The following AASS variants were observed in gnomAD, a reference collection of about 807,000 sequenced individuals.
The protein encoded by AASS is aminoadipate-semialdehyde synthase, also known as alpha-aminoadipic semialdehyde synthase, mitochondrial.
A neutral mutation model predicts 105.4 loss-of-function variants in AASS; 86 were observed. The ratio of observed to expected loss-of-function variants is 0.82; its 90% CI spans 0.69 to 0.98. AASS has a LOEUF of 0.98. Ranked by LOEUF, AASS falls within the 50% of genes least tolerant of loss-of-function variation. The probability of loss-of-function intolerance (pLI) is 0.00; values close to 1 mark genes in which losing one functional copy is unlikely to be tolerated. For synonymous variants in AASS, 381 were observed against 394.8 expected, an observed-to-expected ratio of 0.96 and a Z score of 0.41; for missense variants, 1,048 against 1,143.2, an observed-to-expected ratio of 0.92 and a Z score of 1.20.
intron 2 of AASS, among the ~76,000 whole-genome samples, chr7:122,131,201 C>T (rs1395343540): frequency 6.6e-6 from 1 of 151,530 alleles, no homozygotes; most frequent in Admixed American, 6.6e-5. Context: ...GGAAAGCAAA[C>T]ATTAAAACTG....
At chr7:122,142,209 C>T (rs992434641) in intron 1 of AASS, among the ~76,000 whole-genome samples, 10 of 152,268 alleles carry the variant, frequency 6.6e-5, no homozygotes, top group Middle Eastern at 6.8e-3. Flanking sequence ...TTAACCTCTA[C>T]CTCTTAGGGC....
At chr7:122,099,137 A>C (rs904384343) in intron 13 of AASS, among the ~76,000 whole-genome samples, 2 of 151,896 alleles carry the variant, frequency 1.3e-5, no homozygotes, top group Non-Finnish European at 2.9e-5. Flanking sequence ...GTATTTCATG[A>C]ATTCCCAGTA....
intron 8 of AASS, 48 bp from the exon 9 acceptor site, chr7:122,115,270 A>T (rs1216227911): frequency 1.3e-6 from 2 of 1,592,466 alleles, no homozygotes; most frequent in Non-Finnish European, 1.7e-6. Context: ...AGCCTATTTT[A>T]ATACAGTATA....
intron 15 of AASS, among the ~76,000 whole-genome samples, chr7:122,094,655 T>A (rs750538835): frequency 6.6e-6 from 1 of 152,170 alleles, no homozygotes; most frequent in Non-Finnish European, 1.5e-5. Flanking sequence ...AAATTTGATA[T>A]CTTGTGATTA....
chr7:122,127,608 A>G (rs1165538373), intron 3 of AASS, among the ~76,000 whole-genome samples: 1 of 152,186 alleles, frequency 6.6e-6, no homozygotes, highest in Non-Finnish European at 1.5e-5. Context: ...CTTTAGAAAT[A>G]CTACAAATTA....
intron 11 of AASS, among the ~76,000 whole-genome samples, chr7:122,108,806 C>T (rs1253598277): frequency 6.6e-6 from 1 of 150,506 alleles, no homozygotes; most frequent in Non-Finnish European, 1.5e-5. Context: ...ATGTTCTAGT[C>T]AGTGTAACTA....
At chr7:122,101,020 G>A (rs1340348005) in intron 13 of AASS, among the ~76,000 whole-genome samples, 1 of 151,830 alleles carries the variant, frequency 6.6e-6, no homozygotes, top group Non-Finnish European at 1.5e-5. Flanking sequence ...AGAAAGGCTA[G>A]TGTGCTCATT....
chr7:122,094,557 T>G (rs1794054458), intron 15 of AASS, among the ~76,000 whole-genome samples: 2 of 152,218 alleles, frequency 1.3e-5, no homozygotes, highest in Admixed American at 6.5e-5. Flanking sequence ...AAAAACAACT[T>G]AAATATTGTC....
Position 122,086,141 on chromosome 7 carries a change from G to A in AASS, c.2055C>T (p.Ala685=), listed in dbSNP as rs145793131. 108 of 1,613,214 alleles carry A rather than the reference G, an allele frequency of 6.7e-5. No individual in the cohort carries two copies. In the African/African-American group the frequency reaches 1.1e-3, roughly 16 times the overall value. Residue 685 remains alanine, a synonymous_variant, in exon 19 of 24, where the codon GCC becomes GCT. Transcript: ENST00000417368. ...CTGGAAAAAAATCCATGGACGTAACGGCATCAAGAAAGGAGATGCCTCCTG... is the reference window on the plus strand; with the variant it reads ...CTGGAAAAAAATCCATGGACGTAACAGCATCAAGAAAGGAGATGCCTCCTG... ...NVAGGISFLD[A]VTSMDFFPGL... is the part of the protein sequence containing the mutation.
At chr7:122,095,591 A>C (rs1415043774) in intron 15 of AASS, among the ~76,000 whole-genome samples, 1 of 151,834 alleles carries the variant, frequency 6.6e-6, no homozygotes, top group East Asian at 1.9e-4. Context: ...TAAAAAAAAA[A>C]AAACAATAAA....
intron 23 of AASS, among the ~76,000 whole-genome samples, chr7:122,077,446 AAAGG>A (rs1441596572): frequency 3.2e-4 from 48 of 152,192 alleles, no homozygotes; most frequent in African/African-American, 1.1e-3. Flanking sequence ...CCAAAGAAAG[AAAGG>A]AAGGAAGTTA....
At position 122,133,584 on chromosome 7, in the gene AASS, T is replaced by G; in HGVS notation, c.143A>C (p.Lys48Thr). ...RRAPLAPKHI[K>T]GITNLGYKVL... ...CTTGTATCCCAGATTGGTGATGCCTTTGATGTGCTTGGGAGCTAGCGGGGC... is the reference window on the plus strand; with the variant it reads ...CTTGTATCCCAGATTGGTGATGCCTGTGATGTGCTTGGGAGCTAGCGGGGC... Residue 48 changes from lysine to threonine, a missense_variant, in exon 2 of 24, where the codon AAA becomes ACA. Lys to Thr is a moderately conservative substitution (Grantham distance 78). Transcript: ENST00000417368. 2 of 1,614,214 alleles carry G rather than the reference T, an allele frequency of 1.2e-6. No homozygotes were observed. The highest frequency in any genetic ancestry group is 1.7e-6 in the Non-Finnish European group (2 of 1,180,030).
chr7:122,131,035 A>C (rs1795891332), intron 2 of AASS, among the ~76,000 whole-genome samples: 1 of 143,958 alleles, frequency 6.9e-6, no homozygotes, highest in African/African-American at 2.5e-5. Flanking sequence ...TATTTTTGCA[A>C]AAAAAAAAAA....
chr7:122,114,106 C>T (rs577860166), intron 9 of AASS, among the ~76,000 whole-genome samples: 1 of 152,250 alleles, frequency 6.6e-6, no homozygotes, highest in South Asian at 2.1e-4. Flanking sequence ...TGTGGTTACA[C>T]ATAAATCTCT....
At chr7:122,080,860 T>A (rs1793281807) in intron 20 of AASS, among the ~76,000 whole-genome samples, 1 of 152,224 alleles carries the variant, frequency 6.6e-6, no homozygotes, top group Admixed American at 6.5e-5. Flanking sequence ...CTCCTTGTGA[T>A]ACATTTCTGG....
chr7:122,115,651 A>G (rs1795130354), intron 8 of AASS, among the ~76,000 whole-genome samples: 1 of 152,138 alleles, frequency 6.6e-6, no homozygotes, highest in Non-Finnish European at 1.5e-5. Context: ...CCATTCCTCA[A>G]AGGAATGCTG....
At chr7:122,112,602 G>C (rs191360800) in intron 11 of AASS, among the ~76,000 whole-genome samples, 1 of 152,046 alleles carries the variant, frequency 6.6e-6, no homozygotes, top group African/African-American at 2.4e-5. Context: ...ACTGAAATAA[G>C]AAAAATTTTC....
At position 122,113,589 on chromosome 7, in the gene AASS, C is replaced by A. The variant is rs773556878; in HGVS notation, c.1166+9G>T. On this transcript the variant is annotated intron_variant, in intron 10 of 23. Transcript: ENST00000417368. ...GAGGAATATCATCTAACAACTTTAG[C>A]AAACTCACCTGTCATGAATAATATG... 6.2e-7 allele frequency: 1 copy of A among 1,613,136 alleles called. No individual in the cohort carries two copies. The highest frequency in any genetic ancestry group is 8.5e-7 in the Non-Finnish European group (1 of 1,179,858).
chr7:122,134,810 A>C (rs1210399156), intron 1 of AASS, among the ~76,000 whole-genome samples: 1 of 152,192 alleles, frequency 6.6e-6, no homozygotes, highest in African/African-American at 2.4e-5. Flanking sequence ...TGCTGCTATA[A>C]AGACACATGC....
Sources: gnomAD v4.1 joint callset for allele counts (sites outside exome capture counted in the v4.1 genomes callset) on GRCh38, gnomAD v4.1.1 for gene constraint, MANE v1.5 for transcripts, NCBI Gene and HGNC (gene_info 2026-07-23, HGNC 2026-07-21) for gene names.